PRKCA: variants seen among roughly 807,000 people sequenced by gnomAD.
PRKCA encodes the protein protein kinase C alpha, also known as protein kinase C alpha type.
PRKCA carries 27 observed loss-of-function variants against 87.0 expected under a neutral mutation model. That is an observed-to-expected ratio of 0.31 (90% CI 0.23 to 0.43). The LOEUF is 0.43. Ranked by LOEUF, PRKCA falls within the 20% of genes least tolerant of loss-of-function variation. The pLI is 1.00. For missense variants in PRKCA, 518 were observed against 852.3 expected (o/e 0.61, Z 4.88); for synonymous variants, 329 against 311.1 (o/e 1.06, Z -0.61).
At chr17:66,310,662 G>T (rs1905044984) in intron 2 of PRKCA, among the ~76,000 whole-genome samples, 1 of 152,146 alleles carries the variant, frequency 6.6e-6, no homozygotes. Context: ...GAAAGTTGGT[G>T]TTTAAGGGAA....
At chr17:66,461,058 T>G (rs1383058470) in intron 2 of PRKCA, among the ~76,000 whole-genome samples, 2 of 151,828 alleles carry the variant, frequency 1.3e-5, no homozygotes, top group African/African-American at 4.8e-5. Flanking sequence ...ATACAAAGAT[T>G]AGCCGGGTGT....
At chr17:66,366,004 A>G (rs1352294935) in intron 2 of PRKCA, among the ~76,000 whole-genome samples, 2 of 152,188 alleles carry the variant, frequency 1.3e-5, no homozygotes, top group Non-Finnish European at 2.9e-5. Context: ...TTAGGTGTCC[A>G]TCTCGTGACC....
intron 3 of PRKCA, among the ~76,000 whole-genome samples, chr17:66,497,053 G>T (rs1047865172): frequency 2.0e-5 from 3 of 152,180 alleles, no homozygotes; most frequent in African/African-American, 7.2e-5. Context: ...TGCCTTTTCG[G>T]TGTATGTTAA....
chr17:66,525,781 G>GA (rs1967327170), intron 3 of PRKCA, among the ~76,000 whole-genome samples: 2 of 152,084 alleles, frequency 1.3e-5, no homozygotes, highest in Non-Finnish European at 2.9e-5. Context: ...ATAAACTCCT[G>GA]ACTTCATGAA....
chr17:66,720,021 C>T (rs1001247091), intron 8 of PRKCA, among the ~76,000 whole-genome samples: 2 of 152,254 alleles, frequency 1.3e-5, no homozygotes, highest in African/African-American at 2.4e-5. Flanking sequence ...ATCCTAGGCA[C>T]TGGAGCTGTG....
At chr17:66,519,328 G>A (rs1228295553) in intron 3 of PRKCA, among the ~76,000 whole-genome samples, 2 of 152,284 alleles carry the variant, frequency 1.3e-5, no homozygotes, top group Non-Finnish European at 2.9e-5. Context: ...TTGAGTGCTT[G>A]GAGGCCTCTA....
At chr17:66,336,204 T>G (rs866450364) in intron 2 of PRKCA, among the ~76,000 whole-genome samples, 16 of 152,228 alleles carry the variant, frequency 1.1e-4, no homozygotes, top group Non-Finnish European at 2.9e-5. Flanking sequence ...TATCCTTTTA[T>G]AGATGTGTGG....
intron 12 of PRKCA, 89 bp from the exon 13 acceptor site, chr17:66,742,533 G>T: frequency 7.4e-7 from 1 of 1,357,514 alleles, no homozygotes; most frequent in Non-Finnish European, 1.0e-6. Flanking sequence ...GAGCTGACAG[G>T]TATTCAGATA....
intron 5 of PRKCA, among the ~76,000 whole-genome samples, chr17:66,653,903 G>A (rs1460667542): frequency 6.6e-6 from 1 of 152,052 alleles, no homozygotes; most frequent in African/African-American, 2.4e-5. Context: ...TAATAAGAGG[G>A]GTAACTGCTC....
intron 2 of PRKCA, among the ~76,000 whole-genome samples, chr17:66,322,249 G>A (rs1050271462): frequency 1.3e-5 from 2 of 152,148 alleles, no homozygotes; most frequent in African/African-American, 4.8e-5. Flanking sequence ...GCATCTTCCT[G>A]TAGACTAACA....
chr17:66,519,510 T>G (rs1283013702), intron 3 of PRKCA, among the ~76,000 whole-genome samples: 1 of 152,118 alleles, frequency 6.6e-6, no homozygotes, highest in African/African-American at 2.4e-5. Flanking sequence ...CCTCCCCACT[T>G]ATCAGCAAAT....
intron 2 of PRKCA, among the ~76,000 whole-genome samples, chr17:66,393,375 G>A (rs547075031): frequency 6.6e-6 from 1 of 152,186 alleles, no homozygotes; most frequent in East Asian, 1.9e-4. Flanking sequence ...GACTGGGACT[G>A]GCCTTCATTA....
At chr17:66,327,392 T>C (rs934056028) in intron 2 of PRKCA, among the ~76,000 whole-genome samples, 10 of 143,678 alleles carry the variant, frequency 7.0e-5, no homozygotes, top group Non-Finnish European at 1.2e-4. Flanking sequence ...AAAAAATTGC[T>C]GGGTGTGGTG....
chr17:66,581,106 T>C (rs1969416954), intron 3 of PRKCA, among the ~76,000 whole-genome samples: 1 of 152,210 alleles, frequency 6.6e-6, no homozygotes. Context: ...TGTTTATAAA[T>C]TGTTTTATGA....
intron 3 of PRKCA, among the ~76,000 whole-genome samples, chr17:66,614,710 C>T (rs1970467383): frequency 6.6e-6 from 1 of 152,150 alleles, no homozygotes; most frequent in Non-Finnish European, 1.5e-5. Flanking sequence ...GGAAGTGTTC[C>T]ACAAGTGGCA....
At chr17:66,791,781 C>T (rs898991487) in intron 16 of PRKCA, among the ~76,000 whole-genome samples, 3 of 152,196 alleles carry the variant, frequency 2.0e-5, no homozygotes, top group African/African-American at 7.2e-5. Flanking sequence ...CAACCAAAGT[C>T]GAAGCTGCAC....
intron 13 of PRKCA, among the ~76,000 whole-genome samples, chr17:66,761,165 A>T (rs551300328): frequency 1.3e-5 from 2 of 152,138 alleles, no homozygotes; most frequent in South Asian, 4.2e-4. Flanking sequence ...AGGTCAGGAG[A>T]TTGAGACCAT....
intron 2 of PRKCA, among the ~76,000 whole-genome samples, chr17:66,349,895 A>T (rs546189507): frequency 2.0e-5 from 3 of 152,024 alleles, no homozygotes; most frequent in Admixed American, 2.0e-4. Context: ...CTGGAATTGG[A>T]AACTTAGGGT....
intron 16 of PRKCA, among the ~76,000 whole-genome samples, 167 bp downstream of exon 16, chr17:66,789,146 C>T (rs1401459601): frequency 1.3e-5 from 2 of 152,214 alleles, no homozygotes; most frequent in African/African-American, 4.8e-5. Flanking sequence ...CCTCAGCAGC[C>T]GGGATTCCTG....
Sources: gnomAD v4.1 joint callset for allele counts (sites outside exome capture counted in the v4.1 genomes callset) on GRCh38, gnomAD v4.1.1 for gene constraint, MANE v1.5 for transcripts, NCBI Gene and HGNC (gene_info 2026-07-23, HGNC 2026-07-21) for gene names.